The following PAK5 variants were observed in gnomAD, a reference collection of about 807,000 sequenced individuals.
PAK5 encodes serine/threonine-protein kinase PAK 5.
PAK5 carries 16 observed loss-of-function variants against 65.9 expected under a neutral mutation model. The ratio of observed to expected loss-of-function variants is 0.24; its 90% CI spans 0.16 to 0.37. The LOEUF (loss-of-function observed/expected upper bound fraction) is 0.37. Among genes scored for constraint, PAK5 ranks in the 10% least tolerant of loss-of-function variants. The pLI is 1.00. For missense variants in PAK5, 785 were observed against 903.9 expected, an observed-to-expected ratio of 0.87 and a Z score of 1.69; for synonymous variants, 371 against 354.9, an observed-to-expected ratio of 1.05 and a Z score of -0.51.
chr20:9,830,707 C>T (rs1169116091), intron 1 of PAK5, among the ~76,000 whole-genome samples: 1 of 152,190 alleles, frequency 6.6e-6, no homozygotes, highest in Non-Finnish European at 1.5e-5. Context: ...CACACTCTTC[C>T]CAACATGTCA....
chr20:9,620,620 A>G (rs992213525), intron 3 of PAK5, among the ~76,000 whole-genome samples: 1 of 152,126 alleles, frequency 6.6e-6, no homozygotes, highest in Non-Finnish European at 1.5e-5. Flanking sequence ...TGGGAAGAAC[A>G]TGGCTCACAG....
chr20:9,763,646 C>G (rs2048724807), intron 1 of PAK5, among the ~76,000 whole-genome samples: 1 of 151,998 alleles, frequency 6.6e-6, no homozygotes, highest in African/African-American at 2.4e-5. Flanking sequence ...GCAAATATGA[C>G]AGGAGTGAAT....
chr20:9,544,623 G>C, intron 7 of PAK5, 129 bp from the exon 8 acceptor site: 1 of 802,718 alleles, frequency 1.2e-6, no homozygotes, highest in East Asian at 2.6e-5. Flanking sequence ...ACATATCAGA[G>C]GAGGGACTGT....
intron 2 of PAK5, among the ~76,000 whole-genome samples, chr20:9,664,302 G>A (rs2047384033): frequency 6.6e-6 from 1 of 152,132 alleles, no homozygotes; most frequent in South Asian, 2.1e-4. Context: ...TGTTCAGTGG[G>A]TTGACACCCT....
At chr20:9,664,223 A>G (rs1600215497) in intron 2 of PAK5, among the ~76,000 whole-genome samples, 2 of 152,178 alleles carry the variant, frequency 1.3e-5, no homozygotes, top group African/African-American at 4.8e-5. Context: ...GGCTCCATAG[A>G]TCCTAACCAA....
chr20:9,587,344 A>T (rs1357957564), intron 3 of PAK5, among the ~76,000 whole-genome samples: 1 of 152,204 alleles, frequency 6.6e-6, no homozygotes, highest in Admixed American at 6.5e-5. Flanking sequence ...GATGTATCTC[A>T]AATTAATTAC....
chr20:9,757,902 A>G (rs2048653894), intron 1 of PAK5, among the ~76,000 whole-genome samples: 1 of 152,180 alleles, frequency 6.6e-6, no homozygotes, highest in Non-Finnish European at 1.5e-5. Flanking sequence ...ACCTGTCATT[A>G]CAGTGTTTTA....
At chr20:9,680,150 G>A (rs1303359555) in intron 2 of PAK5, among the ~76,000 whole-genome samples, 1 of 152,304 alleles carries the variant, frequency 6.6e-6, no homozygotes, top group Admixed American at 6.5e-5. Flanking sequence ...CTGAGCACTA[G>A]TTGAGCACTT....
At chr20:9,608,842 A>G (rs1432954045) in intron 3 of PAK5, among the ~76,000 whole-genome samples, 1 of 152,236 alleles carries the variant, frequency 6.6e-6, no homozygotes, top group Non-Finnish European at 1.5e-5. Flanking sequence ...GACAGCCCTA[A>G]TAAATTAAAC....
chr20:9,734,043 A>C, intron 1 of PAK5, among the ~76,000 whole-genome samples: 1 of 152,220 alleles, frequency 6.6e-6, no homozygotes, highest in East Asian at 1.9e-4. Flanking sequence ...AATCCTTCCA[A>C]AGACCATCAT....
intron 2 of PAK5, among the ~76,000 whole-genome samples, chr20:9,683,402 C>T (rs2047676142): frequency 6.6e-6 from 1 of 152,230 alleles, no homozygotes; most frequent in South Asian, 2.1e-4. Flanking sequence ...TTTGCAGCTG[C>T]AATGTAATTT....
chr20:9,613,088 T>C (rs77020277), intron 3 of PAK5, among the ~76,000 whole-genome samples: 3,115 of 152,310 alleles, frequency 0.02, 135 homozygotes, highest in African/African-American at 0.069. Flanking sequence ...GAAGTGGCAA[T>C]AGAAAATGTA....
chr20:9,639,956 G>A (rs1205146189), intron 3 of PAK5, among the ~76,000 whole-genome samples: 1 of 152,226 alleles, frequency 6.6e-6, no homozygotes, highest in Non-Finnish European at 1.5e-5. Flanking sequence ...TTGTGGACAA[G>A]TGAAAAACCG....
At chr20:9,821,120 A>G (rs2049415420) in intron 1 of PAK5, among the ~76,000 whole-genome samples, 1 of 152,124 alleles carries the variant, frequency 6.6e-6, no homozygotes, top group Admixed American at 6.5e-5. Flanking sequence ...GATGGCTTAC[A>G]CCTGTAATCC....
chr20:9,607,643 C>T (rs188985734), intron 3 of PAK5, among the ~76,000 whole-genome samples: 8 of 151,970 alleles, frequency 5.3e-5, no homozygotes, highest in Non-Finnish European at 4.4e-5. Context: ...ACTAGGGAGA[C>T]CCTGTATCTA....
At chr20:9,552,717 T>C (rs1603200992) in intron 7 of PAK5, among the ~76,000 whole-genome samples, 1 of 64,606 alleles carries the variant, frequency 1.5e-5, no homozygotes, top group East Asian at 5.2e-4. Flanking sequence ...ATTTTTAAAA[T>C]TTTTTAGTTT....
Position 9,580,789 on chromosome 20 carries a change from C to T in PAK5, c.346G>A (p.Gly116Ser), listed in dbSNP as rs757167550. The change falls in exon 4 of 10, where the codon GGT becomes AGT. Residue 116 changes from glycine (G) to serine (S), a missense_variant. Physicochemically the swap from Gly to Ser is moderately conservative, Grantham distance 56 (BLOSUM62 0). This residue lies in a region of PAK5 where 422 missense variants were observed against 413.3 expected (regional missense o/e 1.02). Transcript: ENST00000353224. Reference protein sequence around the residue: ...PTPDQGASSHGPGHAEENGFI... With the variant: ...PTPDQGASSHSPGHAEENGFI... ...CCATTTTCTTCCGCGTGGCCTGGACCGTGGCTGGAGGCTCCCTGATCTGGG... is the reference window on the plus strand; with the variant it reads ...CCATTTTCTTCCGCGTGGCCTGGACTGTGGCTGGAGGCTCCCTGATCTGGG... 1.2e-5 allele frequency: 19 copies of T among 1,613,738 alleles called. No homozygotes were observed. Among genetic ancestry groups the T allele is most frequent in the East Asian group, 6.7e-5 (3 of 44,870 alleles).
chr20:9,743,400 AC>A (rs1393834923), intron 1 of PAK5, among the ~76,000 whole-genome samples: 3 of 79,718 alleles, frequency 3.8e-5, no homozygotes, highest in Non-Finnish European at 8.5e-5. Flanking sequence ...CCAAAAAAAA[AC>A]AAACGAAACA....
intron 1 of PAK5, among the ~76,000 whole-genome samples, chr20:9,807,135 T>A (rs1230229671): frequency 1.3e-5 from 2 of 152,142 alleles, no homozygotes; most frequent in African/African-American, 4.8e-5. Context: ...TAAGATAATC[T>A]CCGCATCTCA....
Sources: allele counts gnomAD v4.1 joint callset (sites outside exome capture counted in the v4.1 genomes callset), GRCh38; gene constraint gnomAD v4.1.1; regional missense constraint gnomAD v4.1.1; transcripts MANE v1.5; gene names NCBI Gene and HGNC (gene_info 2026-07-23, HGNC 2026-07-21).